The following FBXL20 variants were observed in gnomAD, a reference collection of about 807,000 sequenced individuals.
FBXL20 encodes the protein F-box and leucine rich repeat protein 20.
Under a neutral mutation model 64.0 loss-of-function variants are expected in FBXL20, and 11 were observed. The observed-to-expected ratio is 0.17, with a 90% confidence interval of 0.11 to 0.28. FBXL20 has a LOEUF of 0.28. Among genes scored for constraint, FBXL20 ranks in the 10% least tolerant of loss-of-function variants. FBXL20 has a pLI of 1.00. For synonymous variants in FBXL20, 184 were observed against 189.0 expected, an observed-to-expected ratio of 0.97 and a Z score of 0.22; for missense variants, 303 against 526.2, an observed-to-expected ratio of 0.58 and a Z score of 4.15.
At chr17:39,280,477 C>T (rs908133824) in intron 9 of FBXL20, among the ~76,000 whole-genome samples, 6 of 151,168 alleles carry the variant, frequency 4.0e-5, no homozygotes, top group African/African-American at 1.2e-4. Context: ...GCAGGAGAAT[C>T]GCTTGAGCCT....
intron 1 of FBXL20, among the ~76,000 whole-genome samples, chr17:39,365,372 C>A (rs927366577): frequency 1.3e-5 from 2 of 152,150 alleles, no homozygotes; most frequent in Non-Finnish European, 2.9e-5. Flanking sequence ...TTGTCCCTAG[C>A]AGAAATAAAA....
chr17:39,310,683 T>C (rs1337353414), intron 2 of FBXL20, among the ~76,000 whole-genome samples: 1 of 151,644 alleles, frequency 6.6e-6, no homozygotes, highest in Admixed American at 6.6e-5. Flanking sequence ...ACCCTATCTC[T>C]ACAAAAAAAC....
upstream of FBXL20, chr17:39,402,290 G>GCCGCCGCCT (rs1181956574): frequency 8.2e-6 from 9 of 1,098,242 alleles, no homozygotes; most frequent in East Asian, 2.3e-4. Flanking sequence ...GGTTGCCGCC[G>GCCGCCGCCT]CCGCCGCCTC....
At chr17:39,283,340 A>G (rs973492038) in intron 7 of FBXL20, among the ~76,000 whole-genome samples, 12 of 152,210 alleles carry the variant, frequency 7.9e-5, no homozygotes, top group African/African-American at 2.7e-4. Context: ...TGAGTATCCC[A>G]TATCTGAAAA....
At chr17:39,267,489 T>C (rs977329388) in intron 12 of FBXL20, among the ~76,000 whole-genome samples, 1 of 152,180 alleles carries the variant, frequency 6.6e-6, no homozygotes, top group African/African-American at 2.4e-5. Flanking sequence ...AATCAGAAGA[T>C]AGTGCAGTGC....
chr17:39,263,728 A>C (rs765239132), intron 14 of FBXL20: 1 of 161,388 alleles, frequency 6.2e-6, no homozygotes, highest in Non-Finnish European at 1.4e-5. Context: ...GTCTATGTCT[A>C]CTTTACTTGT....
chr17:39,278,935 C>G (rs1348248736), intron 9 of FBXL20, among the ~76,000 whole-genome samples: 1 of 151,732 alleles, frequency 6.6e-6, no homozygotes, highest in Admixed American at 6.6e-5. Flanking sequence ...CGGCAGATCA[C>G]TTGAGGTCAG....
At chr17:39,362,443 C>A (rs2047806434) in intron 1 of FBXL20, among the ~76,000 whole-genome samples, 1 of 152,212 alleles carries the variant, frequency 6.6e-6, no homozygotes, top group Non-Finnish European at 1.5e-5. Context: ...CCTGCCTCAG[C>A]CTCCCGGGTA....
chr17:39,295,170 C>T (rs977736996), intron 6 of FBXL20, among the ~76,000 whole-genome samples: 2 of 152,090 alleles, frequency 1.3e-5, no homozygotes, highest in African/African-American at 2.4e-5. Flanking sequence ...GCTCATTACA[C>T]GTTTTTGTCT....
At chr17:39,285,598 T>A (rs1482247443) in intron 6 of FBXL20, 25 bp from the exon 7 acceptor site, 1 of 1,485,060 alleles carries the variant, frequency 6.7e-7, no homozygotes, top group East Asian at 2.3e-5. Context: ...AAGGAGAAAA[T>A]AATGAATAAA....
chr17:39,330,583 C>A (rs1321501542), intron 2 of FBXL20, among the ~76,000 whole-genome samples: 1 of 152,166 alleles, frequency 6.6e-6, no homozygotes, highest in South Asian at 2.1e-4. Context: ...CACTAACACT[C>A]CAGTCTGGGT....
intron 6 of FBXL20, among the ~76,000 whole-genome samples, chr17:39,293,068 CA>C (rs1455506297): frequency 6.6e-6 from 1 of 152,032 alleles, no homozygotes; most frequent in Non-Finnish European, 1.5e-5. Flanking sequence ...GCTGGGATTA[CA>C]GGCATGAGCC....
intron 2 of FBXL20, among the ~76,000 whole-genome samples, chr17:39,309,791 C>CAAA (rs111999882): frequency 1.1e-4 from 6 of 56,224 alleles, no homozygotes; most frequent in African/African-American, 3.7e-4. Context: ...GACTCCATCT[C>CAAA]AAAAAAAAAA....
chr17:39,291,363 A>G (rs2047037093), intron 6 of FBXL20, among the ~76,000 whole-genome samples: 1 of 146,590 alleles, frequency 6.8e-6, no homozygotes, highest in African/African-American at 2.5e-5. Context: ...GTAGGGAGGG[A>G]GGGAGGAGAG....
chr17:39,389,611 G>A (rs1597837241), intron 1 of FBXL20, among the ~76,000 whole-genome samples: 1 of 152,154 alleles, frequency 6.6e-6, no homozygotes, highest in Admixed American at 6.5e-5. Flanking sequence ...AAGGTTAGGA[G>A]ATCGAGACCA....
At chr17:39,394,787 G>A (rs557498513) in intron 1 of FBXL20, among the ~76,000 whole-genome samples, 1 of 151,844 alleles carries the variant, frequency 6.6e-6, no homozygotes, top group Non-Finnish European at 1.5e-5. Context: ...TCGAACTCCT[G>A]ACCTCAAGTG....
intron 1 of FBXL20, among the ~76,000 whole-genome samples, chr17:39,353,582 A>G (rs1457646142): frequency 1.3e-5 from 2 of 151,136 alleles, no homozygotes; most frequent in African/African-American, 4.9e-5. Flanking sequence ...CCCCATGGAT[A>G]AGGGAGACCA....
chr17:39,294,513 C>T (rs1276294433), intron 6 of FBXL20, among the ~76,000 whole-genome samples: 2 of 151,850 alleles, frequency 1.3e-5, no homozygotes, highest in African/African-American at 2.4e-5. Flanking sequence ...GTAATCCACC[C>T]ACCTCAGCCT....
intron 1 of FBXL20, among the ~76,000 whole-genome samples, chr17:39,396,109 G>A (rs1383353804): frequency 1.3e-5 from 2 of 150,560 alleles, no homozygotes; most frequent in African/African-American, 4.9e-5. Flanking sequence ...AGCCTTAACG[G>A]TGTATTCTGA....
Sources: allele counts gnomAD v4.1 joint callset (sites outside exome capture counted in the v4.1 genomes callset), GRCh38; gene constraint gnomAD v4.1.1; transcripts MANE v1.5; gene names NCBI Gene and HGNC (gene_info 2026-07-23, HGNC 2026-07-21).